The following MAGI1 variants were observed in gnomAD, a reference collection of about 807,000 sequenced individuals.
The protein encoded by MAGI1 is membrane associated guanylate kinase, WW and PDZ domain containing 1, also known as membrane-associated guanylate kinase, WW and PDZ domain-containing protein 1.
A neutral mutation model predicts 139.9 loss-of-function variants in MAGI1; 58 were observed. The observed-to-expected ratio is 0.41, with a 90% confidence interval of 0.34 to 0.52. The LOEUF (loss-of-function observed/expected upper bound fraction) is 0.52, where lower values mean the gene tolerates loss of function less well. MAGI1 is among the 20% of genes least tolerant of loss of function. MAGI1 has a pLI of 0.12. For synonymous variants in MAGI1, 812 were observed against 737.9 expected, an observed-to-expected ratio of 1.10 and a Z score of -1.63; for missense variants, 1,874 against 1,901.6, an observed-to-expected ratio of 0.99 and a Z score of 0.27.
chr3:65,973,545 A>G (rs1019818133), intron 1 of MAGI1, among the ~76,000 whole-genome samples: 9 of 152,246 alleles, frequency 5.9e-5, no homozygotes, highest in Non-Finnish European at 1.0e-4. Context: ...CTCCCGAAGC[A>G]TGGTACTGCA....
intron 1 of MAGI1, among the ~76,000 whole-genome samples, chr3:65,932,502 C>T (rs548056141): frequency 2.0e-5 from 3 of 152,278 alleles, no homozygotes; most frequent in Admixed American, 1.3e-4. Flanking sequence ...CCCACCATCC[C>T]GAACATATAT....
At chr3:66,015,240 T>C (rs2067566294) in intron 1 of MAGI1, among the ~76,000 whole-genome samples, 1 of 150,642 alleles carries the variant, frequency 6.6e-6, no homozygotes, top group Non-Finnish European at 1.5e-5. Context: ...AATACACACG[T>C]ACTAATTGAT....
intron 1 of MAGI1, among the ~76,000 whole-genome samples, chr3:65,834,793 C>T (rs1221157053): frequency 2.6e-5 from 4 of 152,300 alleles, no homozygotes; most frequent in East Asian, 1.9e-4. Context: ...ATTGCTATGT[C>T]GACATGGTGG....
rs11915008 is a variant in MAGI1, at chr3:66,005,334, C to G, written c.313+32662G>C. On this transcript the variant is annotated intron_variant, in intron 1 of 22. Coordinates refer to ENST00000402939, the MANE Select transcript of MAGI1 (RefSeq NM_001033057.2). ...ATCATCTGCAATGAGTGGCCCATAT[C>G]TTGATTTTCTTTTGTCTCAACCTAA... Among the ~76,000 whole-genome samples, 784 of 152,254 alleles carry G rather than the reference C, an allele frequency of 5.1e-3. 3 individuals are homozygous for G. The highest frequency in any genetic ancestry group is 0.018 in the African/African-American group (754 of 41,542).
chr3:65,736,109 A>G (rs1178617387), intron 1 of MAGI1, among the ~76,000 whole-genome samples: 3 of 152,244 alleles, frequency 2.0e-5, no homozygotes, highest in African/African-American at 7.2e-5. Context: ...TTTGAAAGTG[A>G]ATTCAGAGAG....
intron 1 of MAGI1, among the ~76,000 whole-genome samples, chr3:65,780,526 T>C (rs924544000): frequency 6.6e-6 from 1 of 152,214 alleles, no homozygotes; most frequent in African/African-American, 2.4e-5. Context: ...CTTGCATATG[T>C]ATTCACAGAA....
chr3:65,408,297 T>C (rs1945514478), intron 12 of MAGI1, among the ~76,000 whole-genome samples: 1 of 152,216 alleles, frequency 6.6e-6, no homozygotes, highest in African/African-American at 2.4e-5. Context: ...CATTGCTTAC[T>C]TCGCCTTCTT....
At position 65,658,457 on chromosome 3, in the gene MAGI1, G is replaced by A. The variant is rs543563951; in HGVS notation, c.314-36369C>T. On this transcript the variant is annotated intron_variant, in intron 1 of 22. Transcript: ENST00000402939. Reference sequence around the variant, plus strand: ...TTCTCCAACACAGTGTATAAGCACTGAGATTCCAGTTACTGGTAACCAAAT... The same window carrying A: ...TTCTCCAACACAGTGTATAAGCACTAAGATTCCAGTTACTGGTAACCAAAT... Among the ~76,000 whole-genome samples, 12 of 152,334 alleles carry A rather than the reference G, an allele frequency of 7.9e-5. No homozygotes were observed. In the East Asian group the frequency reaches 2.3e-3, roughly 29 times the overall value.
intron 1 of MAGI1, among the ~76,000 whole-genome samples, chr3:65,816,350 C>T (rs1412196311): frequency 6.6e-6 from 1 of 151,964 alleles, no homozygotes; most frequent in Non-Finnish European, 1.5e-5. Context: ...TCGCCAATGG[C>T]AACAATGGCT....
At chr3:65,492,701 T>A (rs17072995) in intron 3 of MAGI1, among the ~76,000 whole-genome samples, 23,312 of 152,164 alleles carry the variant, frequency 0.15, 1,882 homozygotes, top group South Asian at 0.25. Context: ...CATGTCTGTA[T>A]TGACATAAAC....
At chr3:65,691,385 T>C (rs1299398809) in intron 1 of MAGI1, among the ~76,000 whole-genome samples, 1 of 151,892 alleles carries the variant, frequency 6.6e-6, no homozygotes, top group Non-Finnish European at 1.5e-5. Flanking sequence ...CAGCCCCCTC[T>C]TGGGAAGTCA....
intron 1 of MAGI1, among the ~76,000 whole-genome samples, chr3:65,732,079 T>C (rs76849325): frequency 6.6e-6 from 1 of 152,220 alleles, no homozygotes; most frequent in Non-Finnish European, 1.5e-5. Flanking sequence ...CGTATCAATT[T>C]AGCAAATTAG....
At chr3:65,522,480 A>C (rs182774860) in intron 2 of MAGI1, among the ~76,000 whole-genome samples, 1 of 152,252 alleles carries the variant, frequency 6.6e-6, no homozygotes, top group East Asian at 1.9e-4. Context: ...TCAGGATGAA[A>C]TCTCACAATG....
intron 9 of MAGI1, among the ~76,000 whole-genome samples, chr3:65,437,616 C>G (rs960194885): frequency 4.6e-5 from 7 of 152,052 alleles, no homozygotes; most frequent in Non-Finnish European, 1.0e-4. Flanking sequence ...GCCAGCTTGT[C>G]TTAGGTAGGG....
At chr3:65,758,391 CTCTTT>C (rs1215639688) in intron 1 of MAGI1, among the ~76,000 whole-genome samples, 2 of 152,200 alleles carry the variant, frequency 1.3e-5, no homozygotes, top group Non-Finnish European at 2.9e-5. Flanking sequence ...AGTCTGACTG[CTCTTT>C]TCTTTTAATC....
chr3:65,557,277 C>T (rs1283570589), intron 2 of MAGI1, among the ~76,000 whole-genome samples: 1 of 152,212 alleles, frequency 6.6e-6, no homozygotes, highest in East Asian at 1.9e-4. Flanking sequence ...CTGTCTTCCT[C>T]TTGGAGTATT....
intron 1 of MAGI1, among the ~76,000 whole-genome samples, chr3:65,733,843 C>T (rs2034438528): frequency 6.6e-6 from 1 of 152,196 alleles, no homozygotes; most frequent in Non-Finnish European, 1.5e-5. Context: ...GGAATGGAAG[C>T]AATGAAACCA....
chr3:65,591,863 T>A (rs534677621), intron 2 of MAGI1, among the ~76,000 whole-genome samples: 1 of 152,292 alleles, frequency 6.6e-6, no homozygotes, highest in African/African-American at 2.4e-5. Flanking sequence ...TTTGTGCTTA[T>A]ATGTTACTTT....
chr3:65,375,629 T>C, intron 18 of MAGI1, 116 bp downstream of exon 18: 1 of 900,020 alleles, frequency 1.1e-6, no homozygotes, highest in Non-Finnish European at 1.7e-6. Flanking sequence ...TGCCACTAAA[T>C]TAATACTATT....
Sources: allele counts gnomAD v4.1 joint callset (sites outside exome capture counted in the v4.1 genomes callset), GRCh38; gene constraint gnomAD v4.1.1; transcripts MANE v1.5; gene names NCBI Gene and HGNC (gene_info 2026-07-23, HGNC 2026-07-21).